The following KCND2 variants were observed in gnomAD, a reference collection of about 807,000 sequenced individuals.
KCND2 encodes A-type voltage-gated potassium channel KCND2.
In KCND2, 16 loss-of-function variants were observed where a neutral mutation model predicts 54.4. The observed-to-expected ratio is 0.29, with a 90% confidence interval of 0.20 to 0.45. KCND2 has a LOEUF of 0.45. Among genes scored for constraint, KCND2 ranks in the 20% least tolerant of loss-of-function variants. KCND2 has a pLI of 1.00. For synonymous variants in KCND2, 317 were observed against 310.7 expected (o/e 1.02, Z -0.21); for missense variants, 486 against 824.2 (o/e 0.59, Z 5.02).
At chr7:120,733,171 G>A in intron 2 of KCND2, 106 bp downstream of exon 2, 1 of 1,091,678 alleles carries the variant, frequency 9.2e-7, no homozygotes, top group Non-Finnish European at 1.4e-6. Flanking sequence ...GTCAGTAGTT[G>A]CATCAATCAG....
chr7:120,538,470 T>G (rs1791938990), intron 1 of KCND2, among the ~76,000 whole-genome samples: 1 of 152,188 alleles, frequency 6.6e-6, no homozygotes, highest in African/African-American at 2.4e-5. Context: ...CTGGGACAAC[T>G]ATGATTGCCA....
At chr7:120,296,399 C>A (rs753634902) in intron 1 of KCND2, among the ~76,000 whole-genome samples, 5 of 151,992 alleles carry the variant, frequency 3.3e-5, no homozygotes, top group Non-Finnish European at 5.9e-5. Flanking sequence ...AGAGGAAATA[C>A]CTATTTCAAT....
chr7:120,628,274 A>G (rs532311074), intron 1 of KCND2, among the ~76,000 whole-genome samples: 1 of 152,340 alleles, frequency 6.6e-6, no homozygotes, highest in East Asian at 1.9e-4. Flanking sequence ...AGAAAGCCAA[A>G]GGTGCAAAAA....
intron 1 of KCND2, among the ~76,000 whole-genome samples, chr7:120,668,968 G>A (rs1392943510): frequency 6.6e-6 from 1 of 151,948 alleles, no homozygotes; most frequent in Non-Finnish European, 1.5e-5. Flanking sequence ...TTTCTAAACA[G>A]CTCTTCTAAG....
At chr7:120,273,128 G>A (rs910544895), upstream of KCND2, among the ~76,000 whole-genome samples, 1 of 152,172 alleles carries the variant, frequency 6.6e-6, no homozygotes, top group Non-Finnish European at 1.5e-5. Flanking sequence ...CCGAGGGGGC[G>A]GGGGCGGAGA....
intron 1 of KCND2, among the ~76,000 whole-genome samples, chr7:120,710,723 G>C (rs1377673007): frequency 6.6e-6 from 1 of 152,030 alleles, no homozygotes; most frequent in African/African-American, 2.4e-5. Flanking sequence ...AAGTTTTTAG[G>C]TCTGTTTGAC....
At chr7:120,285,261 A>C (rs1001012961) in intron 1 of KCND2, among the ~76,000 whole-genome samples, 1 of 152,094 alleles carries the variant, frequency 6.6e-6, no homozygotes, top group Non-Finnish European at 1.5e-5. Context: ...AAGGCTGAAC[A>C]TATCATAGCC....
intron 1 of KCND2, among the ~76,000 whole-genome samples, chr7:120,468,492 G>A (rs1296240293): frequency 6.6e-6 from 1 of 152,028 alleles, no homozygotes; most frequent in Non-Finnish European, 1.5e-5. Flanking sequence ...GGTAGTAATT[G>A]TTCTCTCTAC....
intron 1 of KCND2, among the ~76,000 whole-genome samples, chr7:120,694,727 A>G (rs1792313514): frequency 6.6e-6 from 1 of 152,104 alleles, no homozygotes; most frequent in Admixed American, 6.6e-5. Flanking sequence ...AAACTGGCTA[A>G]CGCTGAAGTT....
At chr7:120,510,944 A>G (rs1803104856) in intron 1 of KCND2, among the ~76,000 whole-genome samples, 1 of 150,456 alleles carries the variant, frequency 6.6e-6, no homozygotes, top group Non-Finnish European at 1.5e-5. Flanking sequence ...CACATTTCGT[A>G]GAAAAACCCA....
chr7:120,689,426 T>G (rs184476988), intron 1 of KCND2, among the ~76,000 whole-genome samples: 2 of 152,340 alleles, frequency 1.3e-5, no homozygotes, highest in South Asian at 2.1e-4. Flanking sequence ...TGGTTCCATC[T>G]CAATAATCTG....
At chr7:120,442,728 G>A (rs554688198) in intron 1 of KCND2, among the ~76,000 whole-genome samples, 2 of 152,170 alleles carry the variant, frequency 1.3e-5, no homozygotes, top group Non-Finnish European at 2.9e-5. Flanking sequence ...AGGTCCAACA[G>A]CATGTGAAAT....
chr7:120,529,442 C>T (rs1791817021), intron 1 of KCND2, among the ~76,000 whole-genome samples: 1 of 152,154 alleles, frequency 6.6e-6, no homozygotes. Flanking sequence ...GTTTGAAATG[C>T]CCTCTTACCT....
intron 1 of KCND2, among the ~76,000 whole-genome samples, chr7:120,678,643 CAT>C (rs1453603325): frequency 6.8e-6 from 1 of 146,830 alleles, no homozygotes; most frequent in Admixed American, 6.8e-5. Flanking sequence ...ATTACACACA[CAT>C]ATATACACAT....
chr7:120,605,948 G>C (rs1792876451), intron 1 of KCND2, among the ~76,000 whole-genome samples: 1 of 152,140 alleles, frequency 6.6e-6, no homozygotes, highest in Admixed American at 6.6e-5. Context: ...CCTGGTGGAA[G>C]GTAATTGAAT....
chr7:120,534,099 T>TA (rs956411044), intron 1 of KCND2, among the ~76,000 whole-genome samples: 16 of 152,052 alleles, frequency 1.1e-4, no homozygotes, highest in African/African-American at 3.9e-4. Flanking sequence ...TTTGTGTAGA[T>TA]ACTCCCACCT....
At chr7:120,626,882 A>C (rs1315376381) in intron 1 of KCND2, among the ~76,000 whole-genome samples, 1 of 152,102 alleles carries the variant, frequency 6.6e-6, no homozygotes. Context: ...GAAATGTCTC[A>C]CTCCAAAAAA....
At chr7:120,331,539 C>T (rs1800069406) in intron 1 of KCND2, among the ~76,000 whole-genome samples, 1 of 151,754 alleles carries the variant, frequency 6.6e-6, no homozygotes, top group African/African-American at 2.4e-5. Context: ...CTTGTGCATG[C>T]ATTATGTTTG....
At chr7:120,454,772 C>T (rs1272123466) in intron 1 of KCND2, among the ~76,000 whole-genome samples, 4 of 152,136 alleles carry the variant, frequency 2.6e-5, no homozygotes, top group Non-Finnish European at 5.9e-5. Context: ...TGTTTCTATA[C>T]CAAGAAAACC....
Sources: gnomAD v4.1 joint callset for allele counts (sites outside exome capture counted in the v4.1 genomes callset) on GRCh38, gnomAD v4.1.1 for gene constraint, MANE v1.5 for transcripts, NCBI Gene and HGNC (gene_info 2026-07-23, HGNC 2026-07-21) for gene names.